CORIN: variants seen among roughly 807,000 people sequenced by gnomAD.
CORIN encodes the protein atrial natriuretic peptide-converting enzyme.
A neutral mutation model predicts 125.3 loss-of-function variants in CORIN; 117 were observed. The ratio of observed to expected loss-of-function variants is 0.93; its 90% CI spans 0.80 to 1.09. The LOEUF is 1.09. Ranked by LOEUF, CORIN falls within the 50% of genes least tolerant of loss-of-function variation. The pLI is 0.00. For missense variants in CORIN, 1,253 were observed against 1,306.7 expected (o/e 0.96, Z 0.63); for synonymous variants, 450 against 466.4 (o/e 0.96, Z 0.45).
chr4:47,640,697 A>G (rs540598834), intron 16 of CORIN, among the ~76,000 whole-genome samples: 106 of 152,372 alleles, frequency 7.0e-4, no homozygotes, highest in African/African-American at 2.5e-3. Flanking sequence ...TAGAAGAAAC[A>G]TAAAGAAGCA....
intron 3 of CORIN, among the ~76,000 whole-genome samples, chr4:47,774,143 A>T (rs1180904529): frequency 1.3e-5 from 2 of 152,224 alleles, no homozygotes; most frequent in Non-Finnish European, 2.9e-5. Flanking sequence ...ATAAATTTTT[A>T]AAAGTAAGAA....
chr4:47,633,656 G>A (rs561449143), intron 16 of CORIN, among the ~76,000 whole-genome samples: 1 of 152,136 alleles, frequency 6.6e-6, no homozygotes, highest in East Asian at 1.9e-4. Flanking sequence ...TTTTTTGAGA[G>A]ACAGAAATGC....
chr4:47,666,585 G>A (rs2109676622), intron 10 of CORIN, among the ~76,000 whole-genome samples: 1 of 152,328 alleles, frequency 6.6e-6, no homozygotes, highest in Middle Eastern at 3.4e-3. Flanking sequence ...CAATGTGATA[G>A]TATTTGGAGG....
intron 1 of CORIN, among the ~76,000 whole-genome samples, chr4:47,836,166 G>A (rs1263975044): frequency 6.6e-6 from 1 of 152,138 alleles, no homozygotes; most frequent in Non-Finnish European, 1.5e-5. Flanking sequence ...AGTCTATGCA[G>A]ACATCTCCTC....
intron 2 of CORIN, among the ~76,000 whole-genome samples, chr4:47,794,925 T>G (rs937235432): frequency 2.0e-5 from 3 of 152,188 alleles, no homozygotes; most frequent in African/African-American, 7.2e-5. Context: ...GTTTCCAGTT[T>G]TATGTTTTAG....
chr4:47,689,001 C>T (rs955117229), intron 6 of CORIN, among the ~76,000 whole-genome samples: 29 of 152,110 alleles, frequency 1.9e-4, no homozygotes, highest in African/African-American at 7.0e-4. Flanking sequence ...GCTTTTTAGG[C>T]TGCCTCCATT....
chr4:47,703,705 G>T (rs541847815), intron 5 of CORIN, among the ~76,000 whole-genome samples: 1 of 152,296 alleles, frequency 6.6e-6, no homozygotes, highest in South Asian at 2.1e-4. Flanking sequence ...GTTTACTAAG[G>T]CTGGGAAGTG....
intron 3 of CORIN, among the ~76,000 whole-genome samples, chr4:47,772,975 T>A (rs1331379346): frequency 6.6e-6 from 1 of 152,302 alleles, no homozygotes; most frequent in Non-Finnish European, 1.5e-5. Context: ...ATTGAACTAC[T>A]TAGTTTTGCT....
At chr4:47,700,937 AC>A (rs939334230) in intron 5 of CORIN, among the ~76,000 whole-genome samples, 6 of 151,864 alleles carry the variant, frequency 4.0e-5, no homozygotes, top group Non-Finnish European at 8.8e-5. Context: ...ATGAAAACAC[AC>A]TTTTTTTTGT....
intron 15 of CORIN, chr4:47,642,925 T>G: frequency 6.6e-7 from 1 of 1,515,872 alleles, no homozygotes; most frequent in South Asian, 1.2e-5. Flanking sequence ...CAAACGTTTT[T>G]CCATACAATA....
intron 5 of CORIN, among the ~76,000 whole-genome samples, chr4:47,723,166 A>AGCC (rs1727433370): frequency 6.6e-6 from 1 of 152,228 alleles, no homozygotes; most frequent in African/African-American, 2.4e-5. Context: ...TGGCAGCAGC[A>AGCC]GCCAAGGTTG....
chr4:47,681,669 T>C (rs1392895110), intron 7 of CORIN: 2 of 152,204 alleles, frequency 1.3e-5, no homozygotes, highest in Non-Finnish European at 1.5e-5. Flanking sequence ...TCAAGACTAG[T>C]CAGTCCCAGG....
At chr4:47,667,957 A>G (rs1007883121) in intron 10 of CORIN, among the ~76,000 whole-genome samples, 2 of 150,786 alleles carry the variant, frequency 1.3e-5, no homozygotes, top group Non-Finnish European at 2.9e-5. Context: ...ATAAGGGTAC[A>G]GCCCCCAAGA....
At chr4:47,740,483 CTCT>C (rs1311662530) in intron 5 of CORIN, among the ~76,000 whole-genome samples, 2 of 151,890 alleles carry the variant, frequency 1.3e-5, no homozygotes, top group Admixed American at 1.3e-4. Context: ...AAAATCCCTC[CTCT>C]TTTCTGATAA....
intron 3 of CORIN, among the ~76,000 whole-genome samples, chr4:47,772,816 GAACT>G (rs1307495651): frequency 6.6e-6 from 1 of 152,138 alleles, no homozygotes; most frequent in Non-Finnish European, 1.5e-5. Flanking sequence ...AAAACTCTGT[GAACT>G]AGACAGGGGA....
Position 47,623,571 on chromosome 4 carries a change from C to T in CORIN, c.2540G>A (p.Gly847Glu). The T allele has an allele frequency of 6.2e-7, 1 of 1,613,634 alleles. No homozygotes were observed. The highest frequency in any genetic ancestry group is 8.5e-7 in the Non-Finnish European group (1 of 1,179,756). Residue 847 changes from glycine (G) to glutamate (E), a missense_variant and splice_region_variant, in exon 19 of 22, where the codon GGG becomes GAG. By Grantham distance (98) the Gly-to-Glu change is moderately conservative. Coordinates refer to ENST00000273857, the MANE Select transcript of CORIN (RefSeq NM_006587.4). ...WVLTVAHCFEGRENAAVWKVV... is the reference protein window; with the variant it reads ...WVLTVAHCFEERENAAVWKVV... Reference sequence around the variant, plus strand: ...GGAAAAAAGGAAAGGTGCAGCTTACCCCTCGAAGCAGTGGGCAACTGTCAG... The same window carrying T: ...GGAAAAAAGGAAAGGTGCAGCTTACTCCTCGAAGCAGTGGGCAACTGTCAG...
intron 5 of CORIN, among the ~76,000 whole-genome samples, chr4:47,733,892 TAA>T (rs1365843478): frequency 6.6e-6 from 1 of 152,192 alleles, no homozygotes; most frequent in Admixed American, 6.5e-5. Context: ...TAAAGGATAT[TAA>T]GAGAAGATGA....
intron 19 of CORIN, among the ~76,000 whole-genome samples, chr4:47,604,599 G>A (rs1397808777): frequency 6.6e-6 from 1 of 152,170 alleles, no homozygotes; most frequent in Non-Finnish European, 1.5e-5. Context: ...CAACCCAGGT[G>A]AATCTTCTCT....
rs759626947 is a variant in CORIN, at chr4:47,678,014, T to C, written c.1173A>G (p.Gln391=). ...SQGLVECRNG[Q]CIPSTFQCDG... ...CACATTGAAACGTGCTGGGGATACA[T>C]TGTCCATTTCTGCATTCCACCAGAC... The change falls in exon 9 of 22, where the codon CAA becomes CAG. Residue 391 remains glutamine (Q), a synonymous_variant. Coordinates refer to ENST00000273857, the MANE Select transcript of CORIN (RefSeq NM_006587.4). The C allele has an allele frequency of 5.0e-6, 8 of 1,613,960 alleles. No homozygotes were observed. The highest frequency in any genetic ancestry group is 1.3e-5 in the African/African-American group (1 of 74,920).
Sources: gnomAD v4.1 joint callset for allele counts (sites outside exome capture counted in the v4.1 genomes callset) on GRCh38, gnomAD v4.1.1 for gene constraint, MANE v1.5 for transcripts, NCBI Gene and HGNC (gene_info 2026-07-23, HGNC 2026-07-21) for gene names.